Variants in F8 observed in about 807,000 individuals in gnomAD.
The protein encoded by F8 is antihemophilic factor.
In F8, 12 loss-of-function variants were observed where a neutral mutation model predicts 140.6. The observed-to-expected ratio is 0.09, with a 90% CI of 0.05 to 0.14. F8 has a LOEUF of 0.14. Ranked by LOEUF, F8 falls within the 10% of genes least tolerant of loss-of-function variation. The pLI, the probability that F8 is intolerant of heterozygous loss-of-function variation, is 1.00. For synonymous variants in F8, 585 were observed against 614.6 expected, an observed-to-expected ratio of 0.95 and a Z score of 0.71; for missense variants, 1,354 against 1,720.7, an observed-to-expected ratio of 0.79 and a Z score of 3.77.
At chrX:154,868,786 T>C (rs1031714889) in intron 22 of F8, among the ~76,000 whole-genome samples, 1 of 110,995 alleles carries the variant, frequency 9.0e-6, no homozygotes, top group Non-Finnish European at 1.9e-5. Flanking sequence ...ATCAGTATGC[T>C]GTATTCAGGA....
chrX:154,980,379 T>C lies in F8; in HGVS notation c.787+4308A>G, dbSNP rs1186501296. Among the ~76,000 whole-genome samples the C allele has an allele frequency of 2.7e-5, 3 of 112,018 alleles. No individual in the cohort carries two copies. In the East Asian group the frequency reaches 8.4e-4, roughly 31 times the overall value. On this transcript the variant is annotated intron_variant, in intron 6 of 25. Coordinates refer to ENST00000360256, the MANE Select transcript of F8 (RefSeq NM_000132.4). ...TTATTCCTTCAATTTCTCTGTTAAA[T>C]TTCTTTGATAAACTTCTGAATTGTT...
chrX:154,900,825 T>C (rs2073006074), intron 20 of F8, among the ~76,000 whole-genome samples: 1 of 112,309 alleles, frequency 8.9e-6, no homozygotes, highest in African/African-American at 3.2e-5. Flanking sequence ...ATAGATGATA[T>C]GTAAATTAAT....
chrX:154,933,620 G>T (rs1557279015), intron 13 of F8, among the ~76,000 whole-genome samples: 1 of 112,228 alleles, frequency 8.9e-6, no homozygotes, highest in East Asian at 2.8e-4. Context: ...CTTGTTTAAG[G>T]ACGAGAAAAC....
intron 14 of F8, among the ~76,000 whole-genome samples, chrX:154,925,481 C>T (rs1334662934): frequency 2.7e-5 from 3 of 112,315 alleles, no homozygotes; most frequent in Non-Finnish European, 5.6e-5. Context: ...AAAATGCCAG[C>T]CCATGAAGGC....
intron 22 of F8, among the ~76,000 whole-genome samples, chrX:154,877,674 G>T (rs2072828074): frequency 1.8e-5 from 2 of 111,150 alleles, no homozygotes; most frequent in Admixed American, 1.9e-4. Flanking sequence ...CTTCCAGAAA[G>T]AAATGCAGCC....
chrX:154,999,211 T>A (rs1394578484), intron 2 of F8, among the ~76,000 whole-genome samples: 14 of 110,238 alleles, frequency 1.3e-4, no homozygotes, highest in African/African-American at 4.3e-4. Flanking sequence ...GCAACAATTC[T>A]AAGACAGAAA....
At chrX:155,015,746 C>T (rs2073730992) in intron 1 of F8, among the ~76,000 whole-genome samples, 1 of 111,897 alleles carries the variant, frequency 8.9e-6, no homozygotes, top group Non-Finnish European at 1.9e-5. Context: ...ATCATTCATT[C>T]GTAACCCAAA....
chrX:154,874,607 A>C (rs1352208061), intron 22 of F8, among the ~76,000 whole-genome samples: 1 of 112,054 alleles, frequency 8.9e-6, no homozygotes, highest in Non-Finnish European at 1.9e-5. Context: ...CTACCTCCCA[A>C]CACTGTCGCA....
intron 9 of F8, among the ~76,000 whole-genome samples, chrX:154,962,059 CAT>C (rs1423293720): frequency 1.8e-5 from 2 of 112,108 alleles, no homozygotes; most frequent in South Asian, 3.7e-4. Context: ...ATGTATGTAA[CAT>C]GTGTGGTTGC....
chrX:154,848,242 C>T (rs1225529983), intron 25 of F8, among the ~76,000 whole-genome samples: 1 of 112,944 alleles, frequency 8.9e-6, no homozygotes, highest in Non-Finnish European at 1.9e-5. Flanking sequence ...CAGGGACCCA[C>T]TTGAGGAGGC....
At chrX:154,867,669 T>A (rs28811339) in intron 22 of F8, among the ~76,000 whole-genome samples, 13 of 86,477 alleles carry the variant, frequency 1.5e-4, no homozygotes, top group African/African-American at 5.2e-4. Context: ...CCAGCCTGGG[T>A]GACAGAGCAA....
At chrX:154,848,830 C>A (rs1411923745) in intron 25 of F8, among the ~76,000 whole-genome samples, 1 of 111,365 alleles carries the variant, frequency 9.0e-6, no homozygotes, top group Non-Finnish European at 1.9e-5. Flanking sequence ...GTGAGATTAA[C>A]CTGGTACCTT....
At chrX:154,964,641 T>C (rs1370443073) in intron 9 of F8, among the ~76,000 whole-genome samples, 1 of 111,968 alleles carries the variant, frequency 8.9e-6, no homozygotes, top group East Asian at 2.8e-4. Flanking sequence ...AAATTTCTAT[T>C]TGAATTATGC....
intron 9 of F8, among the ~76,000 whole-genome samples, chrX:154,964,945 A>G (rs1047034115): frequency 8.0e-5 from 9 of 112,180 alleles, no homozygotes; most frequent in African/African-American, 2.9e-4. Context: ...ATAAATAACA[A>G]TGTGTCAATA....
rs2072482254 is a variant in F8, at chrX:154,837,439, C to T, written c.*158G>A. Reference sequence around the variant, plus strand: ...TTGGATGCACCCTCCTGGCCCCCCACCAAAGAAATGCAGGACTGATGATAG... The same window carrying T: ...TTGGATGCACCCTCCTGGCCCCCCATCAAAGAAATGCAGGACTGATGATAG... On this transcript the variant is annotated 3_prime_UTR_variant, in exon 26 of 26. Coordinates refer to ENST00000360256, the MANE Select transcript of F8 (RefSeq NM_000132.4). The T allele has an allele frequency of 3.4e-6, 2 of 592,081 alleles. No homozygotes were observed. The highest frequency in any genetic ancestry group is 2.3e-5 in the African/African-American group (1 of 44,051). 48.8% of individuals were successfully genotyped at this position (592,081 alleles called of 1,213,427 possible).
In F8 at chrX:154,969,359, C is replaced by G; in HGVS notation, c.981G>C (p.Leu327=). The G allele has an allele frequency of 8.3e-7, 1 of 1,211,022 alleles. No individual in the cohort carries two copies. Among genetic ancestry groups the G allele is most frequent in the Non-Finnish European group, 1.1e-6 (1 of 894,889 alleles). Residue 327 remains leucine (L), a synonymous_variant, in exon 7 of 26, where the codon CTG becomes CTC. Coordinates refer to ENST00000360256, the MANE Select transcript of F8 (RefSeq NM_000132.4). ...TLLMDLGQFL[L]FCHISSHQHD... is the part of the protein sequence containing the mutation. ...GTTGGTGGGAAGAGATATGACAAAA[C>G]AGTAGAAACTGTCCAAGGTCCATCA...
intron 14 of F8, among the ~76,000 whole-genome samples, chrX:154,917,620 C>T (rs1216843521): frequency 4.5e-5 from 5 of 111,766 alleles, no homozygotes; most frequent in African/African-American, 1.6e-4. Flanking sequence ...TTCTTCATTC[C>T]TTTTAATTAT....
intron 13 of F8, among the ~76,000 whole-genome samples, chrX:154,940,350 G>A (rs1266124218): frequency 6.2e-5 from 7 of 112,327 alleles, no homozygotes; most frequent in African/African-American, 1.9e-4. Context: ...ACCACGGCAC[G>A]AGAACTATGT....
intron 25 of F8, among the ~76,000 whole-genome samples, chrX:154,848,295 C>G (rs6643710): frequency 0.57 from 63,009 of 111,176 alleles, 14,793 homozygotes; most frequent in East Asian, 0.8. Flanking sequence ...CTGGGAGAAC[C>G]ACTACTCTCT....
Sources: allele counts gnomAD v4.1 joint callset (sites outside exome capture counted in the v4.1 genomes callset), GRCh38; gene constraint gnomAD v4.1.1; transcripts MANE v1.5; gene names NCBI Gene and HGNC (gene_info 2026-07-23, HGNC 2026-07-21).